PTPRM: variants seen among roughly 807,000 people sequenced by gnomAD.
PTPRM encodes the protein receptor-type tyrosine-protein phosphatase mu.
In PTPRM, 47 loss-of-function variants were observed where a neutral mutation model predicts 186.7. The ratio of observed to expected loss-of-function variants is 0.25; its 90% confidence interval spans 0.20 to 0.32. The LOEUF is 0.32. Ranked by LOEUF, PTPRM falls within the 10% of genes least tolerant of loss-of-function variation. The pLI, the probability that PTPRM is intolerant of heterozygous loss-of-function variation, is 1.00. For synonymous variants in PTPRM, 668 were observed against 674.9 expected (o/e 0.99, Z 0.16); for missense variants, 1,494 against 1,865.0 (o/e 0.80, Z 3.66).
At chr18:8,116,478 T>C (rs1345726987) in intron 13 of PTPRM, among the ~76,000 whole-genome samples, 3 of 152,210 alleles carry the variant, frequency 2.0e-5, no homozygotes, top group African/African-American at 4.8e-5. Context: ...GGTCAAGGCC[T>C]GCACTCCTAG....
chr18:8,370,512 C>A (rs899181650), intron 23 of PTPRM, among the ~76,000 whole-genome samples: 1 of 152,214 alleles, frequency 6.6e-6, no homozygotes, highest in African/African-American at 2.4e-5. Flanking sequence ...TTTTCAATCA[C>A]TTTCTGAAAC....
intron 7 of PTPRM, among the ~76,000 whole-genome samples, chr18:8,021,317 GACACACACACAC>G (rs35335855): frequency 0.024 from 3,487 of 142,964 alleles, 66 homozygotes; most frequent in African/African-American, 0.055. Context: ...GCATAAAAGA[GACACACACACAC>G]ACACACACAC....
At chr18:7,731,356 C>G (rs1385788495) in intron 1 of PTPRM, among the ~76,000 whole-genome samples, 5 of 152,126 alleles carry the variant, frequency 3.3e-5, no homozygotes, top group Admixed American at 6.5e-5. Flanking sequence ...AAAATAGTAT[C>G]TTATCCTTGA....
At chr18:8,040,939 G>A (rs1438966247) in intron 7 of PTPRM, among the ~76,000 whole-genome samples, 1 of 152,112 alleles carries the variant, frequency 6.6e-6, no homozygotes. Flanking sequence ...CATTTCTTTA[G>A]CATATATTTA....
At chr18:7,868,449 G>A (rs953518040) in intron 2 of PTPRM, among the ~76,000 whole-genome samples, 1 of 152,108 alleles carries the variant, frequency 6.6e-6, no homozygotes, top group Admixed American at 6.6e-5. Flanking sequence ...CTAACATTCG[G>A]ACCCCTCTGC....
chr18:8,176,240 C>A (rs1440552873), intron 14 of PTPRM, among the ~76,000 whole-genome samples: 1 of 151,750 alleles, frequency 6.6e-6, no homozygotes, highest in Non-Finnish European at 1.5e-5. Flanking sequence ...TACAGTTAGA[C>A]ATAATATCGA....
intron 2 of PTPRM, among the ~76,000 whole-genome samples, chr18:7,885,895 G>A (rs1257118185): frequency 6.6e-6 from 1 of 152,260 alleles, no homozygotes; most frequent in Non-Finnish European, 1.5e-5. Context: ...ATGGTAGAAA[G>A]GTACCCAGTT....
chr18:8,001,011 T>C (rs532399596), intron 7 of PTPRM, among the ~76,000 whole-genome samples: 1 of 152,260 alleles, frequency 6.6e-6, no homozygotes, highest in South Asian at 2.1e-4. Context: ...GAGCACCATT[T>C]CTAAAATGTT....
intron 7 of PTPRM, among the ~76,000 whole-genome samples, chr18:8,010,855 A>G (rs1246323585): frequency 6.6e-6 from 1 of 152,234 alleles, no homozygotes; most frequent in Non-Finnish European, 1.5e-5. Flanking sequence ...TACAAAGATT[A>G]TAGACTGCAG....
At chr18:8,060,430 A>T (rs2088398978) in intron 7 of PTPRM, among the ~76,000 whole-genome samples, 1 of 12,912 alleles carries the variant, frequency 7.7e-5, no homozygotes, top group Non-Finnish European at 1.5e-4. Flanking sequence ...TGATTTTTTG[A>T]AGGGTTTTTT....
At chr18:7,678,302 C>A (rs1255940440) in intron 1 of PTPRM, among the ~76,000 whole-genome samples, 1 of 152,130 alleles carries the variant, frequency 6.6e-6, no homozygotes, top group Non-Finnish European at 1.5e-5. Context: ...CTGTTGACAC[C>A]TATTTCTCCA....
intron 2 of PTPRM, among the ~76,000 whole-genome samples, chr18:7,795,088 G>T (rs1016511536): frequency 2.6e-5 from 4 of 152,232 alleles, no homozygotes; most frequent in African/African-American, 9.6e-5. Flanking sequence ...ATCACCAGAT[G>T]TACTAAGAGC....
At chr18:8,117,092 C>A (rs1250611121) in intron 13 of PTPRM, among the ~76,000 whole-genome samples, 1 of 152,198 alleles carries the variant, frequency 6.6e-6, no homozygotes, top group Non-Finnish European at 1.5e-5. Flanking sequence ...CCTTTCAGCA[C>A]AGTGTAATGT....
intron 14 of PTPRM, among the ~76,000 whole-genome samples, chr18:8,163,625 A>G (rs1471122605): frequency 6.6e-6 from 1 of 152,190 alleles, no homozygotes; most frequent in Non-Finnish European, 1.5e-5. Flanking sequence ...AAGAACAACA[A>G]TAGCATTAAA....
chr18:8,210,066 CTT>C (rs2093982945), intron 14 of PTPRM, among the ~76,000 whole-genome samples: 1 of 143,246 alleles, frequency 7.0e-6, no homozygotes. Flanking sequence ...AATCCCAACA[CTT>C]TGGGAGGCTG....
At chr18:7,574,298 A>G (rs899792500) in intron 1 of PTPRM, among the ~76,000 whole-genome samples, 2 of 152,152 alleles carry the variant, frequency 1.3e-5, no homozygotes, top group African/African-American at 4.8e-5. Context: ...AAAGTTTCCT[A>G]TGTTTTTACT....
At chr18:7,976,375 G>A (rs2147373472) in intron 7 of PTPRM, among the ~76,000 whole-genome samples, 1 of 152,294 alleles carries the variant, frequency 6.6e-6, no homozygotes, top group South Asian at 2.1e-4. Context: ...TACTATAGTA[G>A]TGGATATATG....
chr18:7,828,735 G>A lies in PTPRM; in HGVS notation c.196+54464G>A, dbSNP rs895840886. Among the ~76,000 whole-genome samples the A allele has an allele frequency of 2.6e-5, 4 of 152,302 alleles. No homozygotes were observed. In the East Asian group the frequency reaches 5.8e-4, roughly 22 times the overall value. ...GAGATTAGTCAAATGCAGAAGCAGT[G>A]TACTAGAAGCTGTCTAAGGAAAGCT... On this transcript the variant is annotated intron_variant, in intron 2 of 32. Coordinates refer to ENST00000580170, the MANE Select transcript of PTPRM (RefSeq NM_001105244.2).
intron 1 of PTPRM, among the ~76,000 whole-genome samples, chr18:7,727,754 C>T (rs7230553): frequency 0.066 from 10,094 of 152,244 alleles, 872 homozygotes; most frequent in African/African-American, 0.19. Flanking sequence ...CTGTATTAAA[C>T]GTGTGCAATT....
Sources: gnomAD v4.1 joint callset for allele counts (sites outside exome capture counted in the v4.1 genomes callset) on GRCh38, gnomAD v4.1.1 for gene constraint, MANE v1.5 for transcripts, NCBI Gene and HGNC (gene_info 2026-07-23, HGNC 2026-07-21) for gene names.